ANKHD1: variants seen among roughly 807,000 people sequenced by gnomAD.
ANKHD1 encodes the protein ankyrin repeat and KH domain containing 1.
In ANKHD1, 31 loss-of-function variants were observed where a neutral mutation model predicts 230.5. That is an observed-to-expected ratio of 0.13 (90% CI 0.10 to 0.18). The LOEUF is 0.18. ANKHD1 is among the 10% of genes least tolerant of loss of function. ANKHD1 has a pLI of 1.00. For missense variants in ANKHD1, 2,256 were observed against 3,071.3 expected (o/e 0.73, Z 6.27); for synonymous variants, 1,074 against 1,117.6 (o/e 0.96, Z 0.78).
chr5:140,484,926 G>T, intron 11 of ANKHD1, 195 bp from the exon 12 acceptor site: 1 of 868,646 alleles, frequency 1.2e-6, no homozygotes, highest in Non-Finnish European at 1.6e-6. Flanking sequence ...TGTGGATAAT[G>T]TTCTGTTTCT....
chr5:140,462,405 T>A (rs550292814), intron 9 of ANKHD1, among the ~76,000 whole-genome samples: 15 of 152,246 alleles, frequency 9.9e-5, no homozygotes, highest in African/African-American at 3.6e-4. Context: ...CTCAACTATT[T>A]GCCTGTAAAT....
chr5:140,402,414 G>A, intron 1 of ANKHD1, 141 bp downstream of exon 1: 1 of 1,205,382 alleles, frequency 8.3e-7, no homozygotes, highest in Admixed American at 3.5e-5. Flanking sequence ...CGGTGGCCGC[G>A]GTGAGGGCCT....
intron 15 of ANKHD1, 110 bp downstream of exon 15, chr5:140,497,388 T>C (rs896680829): frequency 1.4e-6 from 2 of 1,454,940 alleles, no homozygotes; most frequent in East Asian, 4.7e-5. Flanking sequence ...TAGAACTTTG[T>C]AAAATTACCC....
chr5:140,518,863 T>C (rs1231253156), intron 24 of ANKHD1, among the ~76,000 whole-genome samples: 1 of 152,206 alleles, frequency 6.6e-6, no homozygotes, highest in Non-Finnish European at 1.5e-5. Flanking sequence ...GCGTTCCCTT[T>C]GAAAACGGGC....
At chr5:140,514,342 A>G (rs1752891178) in intron 24 of ANKHD1, among the ~76,000 whole-genome samples, 1 of 151,740 alleles carries the variant, frequency 6.6e-6, no homozygotes, top group Admixed American at 6.6e-5. Context: ...AAAAAACAAA[A>G]AATTAGCCAG....
chr5:140,427,531 G>A (rs555677377), intron 1 of ANKHD1, among the ~76,000 whole-genome samples: 10 of 140,864 alleles, frequency 7.1e-5, no homozygotes, highest in Non-Finnish European at 1.2e-4. Context: ...CGGACGGGGC[G>A]GCTGGCCGGG....
At chr5:140,412,273 T>G (rs1430395754) in intron 1 of ANKHD1, among the ~76,000 whole-genome samples, 1 of 151,964 alleles carries the variant, frequency 6.6e-6, no homozygotes, top group Non-Finnish European at 1.5e-5. Flanking sequence ...CCTGACCTTG[T>G]GATCTGCCCA....
intron 8 of ANKHD1, 123 bp downstream of exon 8, chr5:140,458,985 T>TATGC (rs1561755312): frequency 1.9e-4 from 4 of 20,864 alleles, no homozygotes; most frequent in African/African-American, 2.4e-4. Context: ...TATATGCATA[T>TATGC]ATATATATAT....
rs1752572377 is a variant in ANKHD1 at position 140,507,102 on chromosome 5, A to G, written c.3551+125A>G. ...TAGTACTAAAGTTGCAAAGCCAACG[A>G]TTATACCTATAATGTGTTTGTTTAT... is the stretch of plus-strand genomic sequence containing the variant. On this transcript the variant is annotated intron_variant, in intron 19 of 33. Coordinates refer to ENST00000360839, the MANE Select transcript of ANKHD1 (RefSeq NM_017747.3). This position sits in a 1 kb window ranked among gnomAD's most constrained non-coding sequence, Gnocchi z 4.1. The G allele has an allele frequency of 3.2e-5, 43 of 1,347,776 alleles. No individual in the cohort carries two copies. Among genetic ancestry groups the G allele is most frequent in the Non-Finnish European group, 4.2e-5 (42 of 1,002,070 alleles). The allele number at this position is 1,347,776 out of a possible 1,614,324, so 83.5% of individuals were successfully genotyped here.
At chr5:140,494,370 G>A (rs573524451) in intron 14 of ANKHD1, among the ~76,000 whole-genome samples, 3 of 152,234 alleles carry the variant, frequency 2.0e-5, no homozygotes, top group African/African-American at 7.2e-5. Context: ...ATTGAGGAAG[G>A]CTGAGGCTGG....
At chr5:140,519,349 C>T (rs1354989453) in intron 24 of ANKHD1, among the ~76,000 whole-genome samples, 4 of 152,186 alleles carry the variant, frequency 2.6e-5, no homozygotes, top group Non-Finnish European at 4.4e-5. Context: ...AATGGCCATA[C>T]TGCCCAAGGT....
intron 15 of ANKHD1, among the ~76,000 whole-genome samples, chr5:140,504,272 A>G (rs1197973988): frequency 6.6e-6 from 1 of 152,084 alleles, no homozygotes; most frequent in Non-Finnish European, 1.5e-5. Context: ...GGCTGGTCTC[A>G]AACTCCTGAC....
At chr5:140,453,167 AG>A (rs1774887222) in intron 7 of ANKHD1, among the ~76,000 whole-genome samples, 1 of 152,194 alleles carries the variant, frequency 6.6e-6, no homozygotes, top group African/African-American at 2.4e-5. Context: ...TGGAGAAAAA[AG>A]GGTAAAAAGA....
At chr5:140,410,715 G>A (rs1255880956) in intron 1 of ANKHD1, among the ~76,000 whole-genome samples, 1 of 151,820 alleles carries the variant, frequency 6.6e-6, no homozygotes, top group African/African-American at 2.4e-5. Flanking sequence ...ATAGAATCTT[G>A]GTGATAATCC....
chr5:140,530,312 A>G (rs180707407), intron 29 of ANKHD1, among the ~76,000 whole-genome samples: 1 of 152,224 alleles, frequency 6.6e-6, no homozygotes, highest in East Asian at 1.9e-4. Context: ...CCTAGGCTCA[A>G]GCATTTCTCG....
At position 140,410,091 on chromosome 5, in the gene ANKHD1, GTAATA is replaced by G. The variant is rs563280980; in HGVS notation, c.306+7822_306+7826del. Among the ~76,000 whole-genome samples, 390 of 152,182 alleles carry G rather than the reference GTAATA, an allele frequency of 2.6e-3. 3 individuals carry two copies. The highest frequency in any genetic ancestry group is 9.1e-3 in the African/African-American group (378 of 41,530). ...ACATTCATATAGTTCATAAGTCAAAGTAATATAAGGGCAGATACAGTGAAGTCTCA... is the reference window on the plus strand; with the variant it reads ...ACATTCATATAGTTCATAAGTCAAAGTAAGGGCAGATACAGTGAAGTCTCA... On this transcript the variant is annotated intron_variant, in intron 1 of 33. Coordinates refer to ENST00000360839, the MANE Select transcript of ANKHD1 (RefSeq NM_017747.3).
intron 14 of ANKHD1, among the ~76,000 whole-genome samples, chr5:140,495,316 G>T (rs1277266056): frequency 6.6e-6 from 1 of 150,600 alleles, no homozygotes; most frequent in African/African-American, 2.5e-5. Flanking sequence ...CGCAATCTCG[G>T]CTCACTGCAA....
At chr5:140,437,169 T>C (rs1054556053) in intron 2 of ANKHD1, among the ~76,000 whole-genome samples, 1 of 152,234 alleles carries the variant, frequency 6.6e-6, no homozygotes, top group Non-Finnish European at 1.5e-5. Context: ...GTGGGTATCC[T>C]TCCATGACAG....
At chr5:140,415,696 C>T (rs1249372268) in intron 1 of ANKHD1, among the ~76,000 whole-genome samples, 1 of 151,900 alleles carries the variant, frequency 6.6e-6, no homozygotes, top group Non-Finnish European at 1.5e-5. Flanking sequence ...CCTCTGCCTC[C>T]CAAAGTGCTG....
Sources: gnomAD v4.1 joint callset for allele counts (sites outside exome capture counted in the v4.1 genomes callset) on GRCh38, gnomAD v4.1.1 for gene constraint, Gnocchi (gnomAD v3.1) non-coding constraint, MANE v1.5 for transcripts, NCBI Gene and HGNC (gene_info 2026-07-23, HGNC 2026-07-21) for gene names.